The following NKAIN2 variants were observed in gnomAD, a reference collection of about 807,000 sequenced individuals.
The protein encoded by NKAIN2 is sodium/potassium-transporting ATPase subunit beta-1-interacting protein 2.
A neutral mutation model predicts 32.6 loss-of-function variants in NKAIN2; 14 were observed. The ratio of observed to expected loss-of-function variants is 0.43; its 90% CI spans 0.28 to 0.67. The LOEUF is 0.67. NKAIN2 is among the 30% of genes least tolerant of loss of function. The probability of loss-of-function intolerance (pLI) is 0.17; values close to 1 mark genes in which losing one functional copy is unlikely to be tolerated. For missense variants in NKAIN2, 198 were observed against 258.3 expected (o/e 0.77, Z 1.60); for synonymous variants, 80 against 87.2 (o/e 0.92, Z 0.46).
Position 123,841,416 on chromosome 6 carries a change from A to G in NKAIN2, c.54+37162A>G, listed in dbSNP as rs202078639. ...CAAGGCATAGTAATTAAATATGGAG[A>G]CATAAGGCTGAAAGGAGTGACTTGC... On this transcript the variant is annotated intron_variant, in intron 1 of 6. Transcript: ENST00000368417. Among the ~76,000 whole-genome samples, 19 of 152,312 alleles carry G rather than the reference A, an allele frequency of 1.2e-4. No homozygotes were observed. In the East Asian group the frequency reaches 3.7e-3, roughly 29 times the overall value.
chr6:124,440,160 A>G (rs562732420), intron 3 of NKAIN2, among the ~76,000 whole-genome samples: 1 of 152,188 alleles, frequency 6.6e-6, no homozygotes, highest in South Asian at 2.1e-4. Context: ...GTCAATTTCT[A>G]GCAAAGCAAG....
At chr6:124,116,074 G>A (rs545255618) in intron 1 of NKAIN2, among the ~76,000 whole-genome samples, 14 of 152,052 alleles carry the variant, frequency 9.2e-5, no homozygotes, top group Non-Finnish European at 1.3e-4. Flanking sequence ...TTCAAAGCAC[G>A]TTCAGCTCTT....
chr6:124,288,206 A>C (rs1795649060), intron 2 of NKAIN2, among the ~76,000 whole-genome samples: 1 of 152,190 alleles, frequency 6.6e-6, no homozygotes, highest in African/African-American at 2.4e-5. Flanking sequence ...CTTTTGTTCA[A>C]ACTCATATGG....
At chr6:124,213,745 A>G (rs944560021) in intron 1 of NKAIN2, among the ~76,000 whole-genome samples, 9 of 152,168 alleles carry the variant, frequency 5.9e-5, no homozygotes, top group Non-Finnish European at 7.4e-5. Context: ...TGTAAAATCC[A>G]TATAGTGATT....
intron 5 of NKAIN2, among the ~76,000 whole-genome samples, chr6:124,801,712 A>G (rs915437189): frequency 6.6e-6 from 1 of 152,206 alleles, no homozygotes; most frequent in Non-Finnish European, 1.5e-5. Flanking sequence ...AGTTCAGACA[A>G]GGAAAGGGGA....
intron 3 of NKAIN2, among the ~76,000 whole-genome samples, chr6:124,576,275 GAA>G (rs1562265131): frequency 6.6e-6 from 1 of 152,138 alleles, no homozygotes; most frequent in African/African-American, 2.4e-5. Flanking sequence ...TTTTTTCATG[GAA>G]AGTGGTATTT....
chr6:124,763,197 G>A (rs574004998), intron 4 of NKAIN2, among the ~76,000 whole-genome samples: 7 of 152,258 alleles, frequency 4.6e-5, no homozygotes, highest in East Asian at 1.9e-4. Context: ...TAGACAGAAG[G>A]AATAAATTCA....
chr6:124,197,640 G>C (rs190459110), intron 1 of NKAIN2, among the ~76,000 whole-genome samples: 2 of 152,008 alleles, frequency 1.3e-5, no homozygotes. Flanking sequence ...CCTTTTACAT[G>C]AACTATTTTA....
At chr6:123,931,599 A>G (rs1309809300) in intron 1 of NKAIN2, among the ~76,000 whole-genome samples, 2 of 152,110 alleles carry the variant, frequency 1.3e-5, no homozygotes, top group Non-Finnish European at 2.9e-5. Flanking sequence ...GATAAATAAG[A>G]GACTATACAT....
At chr6:124,309,583 A>G (rs1211036994) in intron 2 of NKAIN2, among the ~76,000 whole-genome samples, 1 of 152,086 alleles carries the variant, frequency 6.6e-6, no homozygotes, top group Non-Finnish European at 1.5e-5. Flanking sequence ...ATAATTTATT[A>G]TTACTTGCAA....
intron 1 of NKAIN2, among the ~76,000 whole-genome samples, chr6:124,075,959 A>G (rs569841797): frequency 3.9e-5 from 6 of 152,292 alleles, no homozygotes; most frequent in African/African-American, 1.2e-4. Context: ...TTTGTATTCT[A>G]TATTCATTCA....
chr6:124,311,741 C>T (rs1796726355), intron 2 of NKAIN2, among the ~76,000 whole-genome samples: 1 of 152,134 alleles, frequency 6.6e-6, no homozygotes, highest in Admixed American at 6.5e-5. Context: ...TATAAAGTCA[C>T]AACATGTTCA....
At chr6:124,689,969 T>C (rs73770535) in intron 4 of NKAIN2, among the ~76,000 whole-genome samples, 10,553 of 152,224 alleles carry the variant, frequency 0.069, 561 homozygotes, top group African/African-American at 0.15. Context: ...GATTTGAATC[T>C]GTTTGTTGAC....
At chr6:124,049,817 A>C (rs1013264893) in intron 1 of NKAIN2, among the ~76,000 whole-genome samples, 1 of 151,886 alleles carries the variant, frequency 6.6e-6, no homozygotes, top group African/African-American at 2.4e-5. Context: ...AGGTGCAAGT[A>C]CTCTTGCACC....
At chr6:124,615,697 CTT>C (rs66523964) in intron 3 of NKAIN2, among the ~76,000 whole-genome samples, 25,322 of 151,982 alleles carry the variant, frequency 0.17, 2,273 homozygotes, top group Middle Eastern at 0.24. Context: ...CCCTTTCTGT[CTT>C]TCCTCTTCTT....
intron 4 of NKAIN2, among the ~76,000 whole-genome samples, chr6:124,670,145 AAT>A (rs1335194360): frequency 6.6e-6 from 1 of 152,152 alleles, no homozygotes; most frequent in Non-Finnish European, 1.5e-5. Flanking sequence ...ATTTTAGAGA[AAT>A]GTTAGTTACT....
chr6:124,333,432 G>T (rs1482549771), intron 2 of NKAIN2, among the ~76,000 whole-genome samples: 1 of 151,606 alleles, frequency 6.6e-6, no homozygotes, highest in African/African-American at 2.4e-5. Flanking sequence ...AGCCAAAGCG[G>T]GGGGATCACC....
At chr6:124,179,263 G>A (rs1418006144) in intron 1 of NKAIN2, among the ~76,000 whole-genome samples, 4 of 152,130 alleles carry the variant, frequency 2.6e-5, no homozygotes, top group Non-Finnish European at 5.9e-5. Context: ...AGGTGACTGG[G>A]GAAGAGTTTG....
intron 4 of NKAIN2, among the ~76,000 whole-genome samples, chr6:124,713,921 A>G (rs1375164414): frequency 6.6e-6 from 1 of 152,214 alleles, no homozygotes; most frequent in Non-Finnish European, 1.5e-5. Context: ...AAGGACCTTC[A>G]GTAGTTTTTA....
Sources: gnomAD v4.1 joint callset for allele counts (sites outside exome capture counted in the v4.1 genomes callset) on GRCh38, gnomAD v4.1.1 for gene constraint, MANE v1.5 for transcripts, NCBI Gene and HGNC (gene_info 2026-07-23, HGNC 2026-07-21) for gene names.